Variants in DHRSX observed in about 807,000 individuals in gnomAD.
DHRSX encodes dehydrogenase/reductase X-linked.
A neutral mutation model predicts 34.0 loss-of-function variants in DHRSX; 31 were observed. The observed-to-expected ratio is 0.91, with a 90% CI of 0.69 to 1.23. The LOEUF (loss-of-function observed/expected upper bound fraction) is 1.23. DHRSX is among the 50% of genes most tolerant of loss of function. The pLI is 0.00. For synonymous variants in DHRSX, 201 were observed against 183.8 expected, an observed-to-expected ratio of 1.09 and a Z score of -0.76; for missense variants, 414 against 428.1, an observed-to-expected ratio of 0.97 and a Z score of 0.29.
intron 3 of DHRSX, among the ~76,000 whole-genome samples, chrX:2,360,361 G>T (rs1478991056): frequency 6.6e-6 from 1 of 152,162 alleles, no homozygotes; most frequent in Non-Finnish European, 1.5e-5. Context: ...AAGGTGGGCG[G>T]ATCACGAGGG....
intron 5 of DHRSX, among the ~76,000 whole-genome samples, chrX:2,244,302 C>CCTCTCTCTCTCTCTCT (rs780533250): frequency 0.02 from 3,026 of 150,612 alleles, 102 homozygotes; most frequent in African/African-American, 0.068. Context: ...GAGTAACGTG[C>CCTCTCTCTCTCTCTCT]CTCTCTCTCT....
intron 1 of DHRSX, chrX:2,486,933 C>T (rs2044952769): frequency 6.6e-6 from 1 of 152,242 alleles, no homozygotes; most frequent in Non-Finnish European, 1.5e-5. Context: ...CCTCTGACAC[C>T]CCGAGTTCTT....
At chrX:2,478,087 T>G (rs1437437073) in intron 1 of DHRSX, among the ~76,000 whole-genome samples, 18 of 152,168 alleles carry the variant, frequency 1.2e-4, no homozygotes, top group East Asian at 3.9e-4. Flanking sequence ...GAGCTGCAGT[T>G]CCAGAAAGCA....
At chrX:2,259,341 G>GATAT (rs1410755638) in intron 5 of DHRSX, among the ~76,000 whole-genome samples, 4 of 143,270 alleles carry the variant, frequency 2.8e-5, no homozygotes, top group African/African-American at 1.0e-4. Context: ...GATATATATA[G>GATAT]ATATAGATAT....
At chrX:2,322,963 G>A (rs774910943) in intron 3 of DHRSX, among the ~76,000 whole-genome samples, 4 of 151,706 alleles carry the variant, frequency 2.6e-5, no homozygotes, top group East Asian at 3.9e-4. Flanking sequence ...TTGCTCTGTC[G>A]CCCAGGCTGG....
In DHRSX at chrX:2,388,773, T is replaced by C. The variant is rs181964578; in HGVS notation, c.286+19972A>G. 1.7e-4 allele frequency among the ~76,000 whole-genome samples: 25 copies of C among 150,688 alleles called. 1 individual carries two copies. The East Asian group carries it at 4.5e-3, about 27-fold the overall frequency. On this transcript the variant is annotated intron_variant, in intron 3 of 6. Transcript: ENST00000334651. Reference sequence around the variant, plus strand: ...CCTCAGGAGGAATCAGCCTTGCCCATACCCTGATCTCAGACATCCAGCCTC... The same window carrying C: ...CCTCAGGAGGAATCAGCCTTGCCCACACCCTGATCTCAGACATCCAGCCTC...
At position 2,423,832 on chromosome X, in the gene DHRSX, G is replaced by C. The variant is rs181424280; in HGVS notation, c.217+1365C>G. Among the ~76,000 whole-genome samples the C allele has an allele frequency of 4.5e-3, 691 of 152,182 alleles. 3 individuals carry two copies. Among genetic ancestry groups the C allele is most frequent in the African/African-American group, 0.016 (666 of 41,488 alleles). ...TGAAGGGAGACCTGAAGAGGTCACA[G>C]AGGAAGAGGAGTCAGAGATCACGAT... On this transcript the variant is annotated intron_variant, in intron 2 of 6. Coordinates refer to ENST00000334651, the MANE Select transcript of DHRSX (RefSeq NM_145177.3).
chrX:2,372,782 G>A (rs2043090222), intron 3 of DHRSX, among the ~76,000 whole-genome samples: 1 of 151,958 alleles, frequency 6.6e-6, no homozygotes, highest in African/African-American at 2.4e-5. Flanking sequence ...CTAATTTTTT[G>A]TATTTTTAGT....
intron 4 of DHRSX, among the ~76,000 whole-genome samples, chrX:2,287,119 C>T (rs2041813041): frequency 6.6e-6 from 1 of 152,128 alleles, no homozygotes; most frequent in Non-Finnish European, 1.5e-5. Context: ...AAGAATCTTG[C>T]TTATTATTTT....
At chrX:2,417,702 A>G (rs1201750379) in intron 2 of DHRSX, among the ~76,000 whole-genome samples, 1 of 152,050 alleles carries the variant, frequency 6.6e-6, no homozygotes, top group Non-Finnish European at 1.5e-5. Flanking sequence ...ACACATCACC[A>G]TGATCTGATC....
In DHRSX at chrX:2,303,865, A is replaced by C. The variant is rs1466098920; in HGVS notation, c.287-12262T>G. Among the ~76,000 whole-genome samples the C allele has an allele frequency of 1.6e-5, 2 of 121,408 alleles. 1 individual carries two copies. The highest frequency in any genetic ancestry group is 3.4e-5 in the Non-Finnish European group (2 of 58,990). 79.6% of individuals were successfully genotyped at this position (121,408 alleles called of 152,430 possible). On this transcript the variant is annotated intron_variant, in intron 3 of 6. Transcript: ENST00000334651. ...GATGGATGGATGGGTGGATGGGTGGATGGGTGGATGGGTGGATGGATGGAT... is the reference window on the plus strand; with the variant it reads ...GATGGATGGATGGGTGGATGGGTGGCTGGGTGGATGGGTGGATGGATGGAT...
intron 4 of DHRSX, among the ~76,000 whole-genome samples, chrX:2,272,194 G>A (rs1602847304): frequency 6.6e-6 from 1 of 152,060 alleles, no homozygotes; most frequent in African/African-American, 2.4e-5. Context: ...TGGGTGGACG[G>A]GAAGCTTTGC....
At chrX:2,303,765 A>ATGGAT (rs2042045185) in intron 3 of DHRSX, among the ~76,000 whole-genome samples, 2 of 114,204 alleles carry the variant, frequency 1.8e-5, no homozygotes, top group Admixed American at 1.9e-4. Context: ...GGATAGATGG[A>ATGGAT]TGGATAAATG....
intron 5 of DHRSX, among the ~76,000 whole-genome samples, chrX:2,256,021 T>G (rs1014342496): frequency 6.6e-6 from 1 of 151,192 alleles, no homozygotes; most frequent in Non-Finnish European, 1.5e-5. Context: ...CCCTCTTTTT[T>G]TTTTTTTTTT....
chrX:2,239,909 G>GT (rs2016101489), intron 6 of DHRSX, among the ~76,000 whole-genome samples: 1 of 152,198 alleles, frequency 6.6e-6, no homozygotes, highest in Non-Finnish European at 1.5e-5. Flanking sequence ...CGAATACTTA[G>GT]TGCTTAATAA....
chrX:2,435,286 C>T (rs2043978760), intron 1 of DHRSX, among the ~76,000 whole-genome samples: 1 of 152,038 alleles, frequency 6.6e-6, no homozygotes, highest in South Asian at 2.1e-4. Flanking sequence ...CACACGGATA[C>T]GAGTAAAACA....
At chrX:2,456,001 A>G (rs2044291745) in intron 1 of DHRSX, among the ~76,000 whole-genome samples, 1 of 152,014 alleles carries the variant, frequency 6.6e-6, no homozygotes, top group East Asian at 1.9e-4. Flanking sequence ...GTCACTGATC[A>G]AAGAATGGGT....
chrX:2,236,101 G>C (rs1370397682), intron 6 of DHRSX, among the ~76,000 whole-genome samples: 1 of 151,486 alleles, frequency 6.6e-6, no homozygotes, highest in Non-Finnish European at 1.5e-5. Context: ...GACAGGGTGA[G>C]ACTCCGTCTC....
chrX:2,221,097 G>C lies in DHRSX; in HGVS notation c.937C>G (p.Gln313Glu). 6.2e-7 allele frequency: 1 copy of C among 1,613,976 alleles called. No homozygotes were observed. The highest frequency in any genetic ancestry group is 8.5e-7 in the Non-Finnish European group (1 of 1,179,876). Residue 313 changes from glutamine to glutamate, a missense_variant, in exon 7 of 7, where the codon CAG becomes GAG. Coordinates refer to ENST00000334651, the MANE Select transcript of DHRSX (RefSeq NM_145177.3). The part of the protein sequence containing the change: ...LHVTYNQKLQ[Q>E]QLWSKSCEMT... Reference sequence around the variant, plus strand: ...TCACAACTCTTAGACCACAGCTGCTGCTGCAGTTTCTGGTTGTAGGTGACG... The same window carrying C: ...TCACAACTCTTAGACCACAGCTGCTCCTGCAGTTTCTGGTTGTAGGTGACG...
Sources: gnomAD v4.1 joint callset for allele counts (sites outside exome capture counted in the v4.1 genomes callset) on GRCh38, gnomAD v4.1.1 for gene constraint, MANE v1.5 for transcripts, NCBI Gene and HGNC (gene_info 2026-07-23, HGNC 2026-07-21) for gene names.